The following LRMDA variants were observed in gnomAD, a reference collection of about 807,000 sequenced individuals.
LRMDA encodes leucine-rich melanocyte differentiation-associated protein.
In LRMDA, 18 loss-of-function variants were observed where a neutral mutation model predicts 29.8. That is an observed-to-expected ratio of 0.60 (90% CI 0.42 to 0.90). LRMDA has a LOEUF of 0.90. Ranked by LOEUF, LRMDA falls within the 40% of genes least tolerant of loss-of-function variation. The probability of loss-of-function intolerance (pLI) is 0.00; values close to 1 mark genes in which losing one functional copy is unlikely to be tolerated. For missense variants in LRMDA, 273 were observed against 273.9 expected, an observed-to-expected ratio of 1.00 and a Z score of 0.02; for synonymous variants, 125 against 109.4, an observed-to-expected ratio of 1.14 and a Z score of -0.89.
chr10:76,400,164 CAG>C (rs1841833639), intron 6 of LRMDA, among the ~76,000 whole-genome samples: 1 of 152,232 alleles, frequency 6.6e-6, no homozygotes, highest in African/African-American at 2.4e-5. Flanking sequence ...GCCCACACGG[CAG>C]CAGCAGAGGG....
rs80057682 is a variant in LRMDA at position 75,645,516 on chromosome 10, C to T, written c.131+207022C>T. Among the ~76,000 whole-genome samples, 805 of 152,110 alleles carry T rather than the reference C, an allele frequency of 5.3e-3. 10 individuals carry two copies. The highest frequency in any genetic ancestry group is 0.019 in the African/African-American group (783 of 41,474). ...TCAACTGTGAATGTCGGAGCTAGAACGTGGCCTGGTGGTGGAGGTGCCAAG... is the reference window on the plus strand; with the variant it reads ...TCAACTGTGAATGTCGGAGCTAGAATGTGGCCTGGTGGTGGAGGTGCCAAG... On this transcript the variant is annotated intron_variant, in intron 2 of 6. Coordinates refer to ENST00000611255, the MANE Select transcript of LRMDA (RefSeq NM_001305581.2).
At chr10:75,656,648 G>A (rs1841679118) in intron 2 of LRMDA, among the ~76,000 whole-genome samples, 1 of 152,130 alleles carries the variant, frequency 6.6e-6, no homozygotes. Context: ...TTCCTTGTTG[G>A]AGGAGACAAT....
chr10:75,810,153 G>A (rs570866171), intron 2 of LRMDA, among the ~76,000 whole-genome samples: 9 of 152,350 alleles, frequency 5.9e-5, no homozygotes, highest in African/African-American at 2.2e-4. Flanking sequence ...GAAGGGGCCA[G>A]CGTAGCTGGA....
intron 6 of LRMDA, among the ~76,000 whole-genome samples, chr10:76,459,959 A>G (rs778434077): frequency 6.6e-6 from 1 of 152,148 alleles, no homozygotes; most frequent in Non-Finnish European, 1.5e-5. Context: ...CCTGAATGGG[A>G]CATGGGAATT....
intron 2 of LRMDA, among the ~76,000 whole-genome samples, chr10:75,814,101 T>A (rs1844015057): frequency 6.6e-6 from 1 of 152,260 alleles, no homozygotes; most frequent in Non-Finnish European, 1.5e-5. Context: ...ATATGATTTA[T>A]GCAGGAGGAA....
intron 5 of LRMDA, among the ~76,000 whole-genome samples, chr10:76,066,089 C>T (rs1200662240): frequency 6.6e-6 from 1 of 152,190 alleles, no homozygotes; most frequent in East Asian, 1.9e-4. Context: ...GCCATCCCAT[C>T]CACACACCCT....
In LRMDA at chr10:75,770,232, A is replaced by G. The variant is rs546667892; in HGVS notation, c.132-265776A>G. On this transcript the variant is annotated intron_variant, in intron 2 of 6. Coordinates refer to ENST00000611255, the MANE Select transcript of LRMDA (RefSeq NM_001305581.2). Reference sequence around the variant, plus strand: ...CTTGTGCCTGGGAGTTTGAGGTGGCATTGAGTTCTGATCTCACCACTGCAC... The same window carrying G: ...CTTGTGCCTGGGAGTTTGAGGTGGCGTTGAGTTCTGATCTCACCACTGCAC... 6.6e-5 allele frequency among the ~76,000 whole-genome samples: 10 copies of G among 152,210 alleles called. 1 individual carries two copies. The South Asian group carries it at 1.7e-3, about 25-fold the overall frequency.
chr10:76,061,332 C>T (rs1203825630), intron 5 of LRMDA, among the ~76,000 whole-genome samples: 2 of 152,002 alleles, frequency 1.3e-5, no homozygotes, highest in Non-Finnish European at 2.9e-5. Flanking sequence ...AACTCATGAA[C>T]ACAAAGAAGG....
intron 5 of LRMDA, among the ~76,000 whole-genome samples, chr10:76,175,346 A>G (rs1208472849): frequency 6.6e-6 from 1 of 152,170 alleles, no homozygotes; most frequent in Non-Finnish European, 1.5e-5. Flanking sequence ...AGTCTGTGAA[A>G]TAGGATTAAC....
chr10:76,240,808 A>C (rs79905527), intron 5 of LRMDA, among the ~76,000 whole-genome samples: 2 of 33,736 alleles, frequency 5.9e-5, no homozygotes, highest in African/African-American at 1.9e-4. Context: ...ATAGATACAC[A>C]TATATATGTA....
chr10:76,414,794 C>T (rs939560577), intron 6 of LRMDA, among the ~76,000 whole-genome samples: 1 of 152,154 alleles, frequency 6.6e-6, no homozygotes, highest in Non-Finnish European at 1.5e-5. Context: ...CCATGGATGC[C>T]AGAGAGGGCT....
intron 5 of LRMDA, among the ~76,000 whole-genome samples, chr10:76,257,439 T>C (rs1852617270): frequency 1.3e-5 from 2 of 151,482 alleles, no homozygotes; most frequent in Admixed American, 1.3e-4. Context: ...GTTTAAGCAA[T>C]TCTCCTGCCT....
intron 5 of LRMDA, among the ~76,000 whole-genome samples, chr10:76,151,170 ATCT>A (rs1264586039): frequency 2.6e-5 from 4 of 152,116 alleles, no homozygotes; most frequent in African/African-American, 9.7e-5. Context: ...TCCTGTGAAG[ATCT>A]TCGTTGTCAG....
Position 76,505,565 on chromosome 10 carries a change from T to TA in LRMDA, c.602-51643dup, listed in dbSNP as rs1262966331. ...GGTCTATTCTGCTGTTAATGCTTCTTATTGTATTATGAAATTCTCATAGTG... is the reference window on the plus strand; with the variant it reads ...GGTCTATTCTGCTGTTAATGCTTCTTAATTGTATTATGAAATTCTCATAGTG... On this transcript the variant is annotated intron_variant, in intron 6 of 6. Coordinates refer to ENST00000611255, the MANE Select transcript of LRMDA (RefSeq NM_001305581.2). Among the ~76,000 whole-genome samples, 5 of 152,158 alleles carry TA rather than the reference T, an allele frequency of 3.3e-5. 1 individual carries two copies. In the East Asian group the frequency reaches 9.6e-4, roughly 29 times the overall value.
intron 6 of LRMDA, among the ~76,000 whole-genome samples, chr10:76,507,370 G>C (rs375559713): frequency 6.6e-6 from 1 of 151,076 alleles, no homozygotes; most frequent in African/African-American, 2.4e-5. Context: ...TGTATAATTT[G>C]CACATATTTT....
chr10:75,952,689 G>A (rs1846596890), intron 2 of LRMDA, among the ~76,000 whole-genome samples: 1 of 152,146 alleles, frequency 6.6e-6, no homozygotes, highest in South Asian at 2.1e-4. Flanking sequence ...AAACGGGTTG[G>A]GAAGTTCCTT....
At chr10:76,520,733 C>T (rs992643356) in intron 6 of LRMDA, among the ~76,000 whole-genome samples, 1 of 152,108 alleles carries the variant, frequency 6.6e-6, no homozygotes, top group African/African-American at 2.4e-5. Context: ...TTCATTATTC[C>T]TGCTTCAGGC....
At chr10:76,258,493 A>C (rs1456576116) in intron 5 of LRMDA, among the ~76,000 whole-genome samples, 4 of 152,084 alleles carry the variant, frequency 2.6e-5, no homozygotes, top group Non-Finnish European at 5.9e-5. Context: ...GCTACTGGGA[A>C]TGATATAATA....
chr10:76,046,587 C>T (rs753950858), intron 3 of LRMDA, among the ~76,000 whole-genome samples: 9 of 152,140 alleles, frequency 5.9e-5, no homozygotes, highest in African/African-American at 1.7e-4. Flanking sequence ...CAGGTTCAAG[C>T]GATTCTCCTG....
Sources: allele counts gnomAD v4.1 joint callset (sites outside exome capture counted in the v4.1 genomes callset), GRCh38; gene constraint gnomAD v4.1.1; transcripts MANE v1.5; gene names NCBI Gene and HGNC (gene_info 2026-07-23, HGNC 2026-07-21).